The following EYS variants were observed in gnomAD, a reference collection of about 807,000 sequenced individuals.
The protein encoded by EYS is protein eyes shut homolog.
EYS carries 250 observed loss-of-function variants against 282.1 expected under a neutral mutation model. That is an observed-to-expected ratio of 0.89 (90% confidence interval 0.80 to 0.98). The LOEUF is 0.98. Ranked by LOEUF, EYS falls within the 50% of genes least tolerant of loss-of-function variation. EYS has a pLI of 0.00. For synonymous variants in EYS, 1,355 were observed against 1,282.9 expected, an observed-to-expected ratio of 1.06 and a Z score of -1.20; for missense variants, 4,016 against 3,709.0, an observed-to-expected ratio of 1.08 and a Z score of -2.15.
At chr6:63,967,871 T>C (rs1195400342) in intron 35 of EYS, among the ~76,000 whole-genome samples, 1 of 152,120 alleles carries the variant, frequency 6.6e-6, no homozygotes, top group East Asian at 1.9e-4. Context: ...CCCTGGGGAG[T>C]AATCCTAGCT....
intron 29 of EYS, among the ~76,000 whole-genome samples, chr6:64,379,987 T>G (rs995728022): frequency 2.6e-5 from 4 of 152,148 alleles, no homozygotes; most frequent in Admixed American, 2.6e-4. Context: ...TGACTAAAAA[T>G]CAGGTGTCCT....
At chr6:65,032,558 C>A (rs77978370) in intron 13 of EYS, among the ~76,000 whole-genome samples, 1 of 152,126 alleles carries the variant, frequency 6.6e-6, no homozygotes, top group South Asian at 2.1e-4. Context: ...CATGCCTATT[C>A]CTCTTTCAAA....
chr6:65,037,135 T>C (rs1186597360), intron 13 of EYS, among the ~76,000 whole-genome samples: 2 of 151,782 alleles, frequency 1.3e-5, no homozygotes, highest in Admixed American at 6.6e-5. Flanking sequence ...TGACATAAAA[T>C]TGAATGAGAT....
At chr6:65,419,111 C>T (rs1767355579) in intron 5 of EYS, among the ~76,000 whole-genome samples, 1 of 113,318 alleles carries the variant, frequency 8.8e-6, no homozygotes, top group Non-Finnish European at 2.0e-5. Context: ...AAAAATAAGG[C>T]AGTCATTTTT....
intron 8 of EYS, among the ~76,000 whole-genome samples, chr6:65,374,681 C>A (rs1050872280): frequency 6.6e-6 from 1 of 152,088 alleles, no homozygotes; most frequent in Non-Finnish European, 1.5e-5. Flanking sequence ...TCACAGCAGT[C>A]TGAAGTCGAC....
intron 35 of EYS, among the ~76,000 whole-genome samples, chr6:63,868,558 A>G (rs577664146): frequency 2.6e-5 from 4 of 152,276 alleles, no homozygotes; most frequent in South Asian, 4.1e-4. Context: ...GAAAGAGTGC[A>G]GAAATGAATC....
intron 12 of EYS, among the ~76,000 whole-genome samples, chr6:65,265,184 T>C (rs920030176): frequency 6.6e-6 from 1 of 152,028 alleles, no homozygotes; most frequent in African/African-American, 2.4e-5. Flanking sequence ...GTACCCAAAC[T>C]TCAGTATCAT....
At chr6:65,114,630 A>G in intron 12 of EYS, among the ~76,000 whole-genome samples, 1 of 151,838 alleles carries the variant, frequency 6.6e-6, no homozygotes, top group East Asian at 1.9e-4. Context: ...AGAAGATAAT[A>G]CTGTCTTTCT....
At chr6:64,895,278 T>C (rs549014495) in intron 18 of EYS, among the ~76,000 whole-genome samples, 1 of 152,332 alleles carries the variant, frequency 6.6e-6, no homozygotes, top group Non-Finnish European at 1.5e-5. Flanking sequence ...TCCTGGTACC[T>C]GAGTCCAGCT....
chr6:65,419,385 G>A (rs1213137814), intron 5 of EYS, among the ~76,000 whole-genome samples: 1 of 151,550 alleles, frequency 6.6e-6, no homozygotes, highest in Non-Finnish European at 1.5e-5. Context: ...ATCTAAACAT[G>A]TACAAAAATT....
chr6:64,854,114 G>A (rs1393940826), intron 19 of EYS, among the ~76,000 whole-genome samples: 2 of 152,012 alleles, frequency 1.3e-5, no homozygotes, highest in African/African-American at 4.8e-5. Context: ...GTGCTGGAGA[G>A]GATGTGGAGA....
At chr6:64,786,167 G>A (rs1774009858) in intron 22 of EYS, among the ~76,000 whole-genome samples, 1 of 148,482 alleles carries the variant, frequency 6.7e-6, no homozygotes, top group Non-Finnish European at 1.5e-5. Context: ...CTTTAGACTT[G>A]GTAGTCTTTA....
chr6:64,467,203 G>A (rs1395408553), intron 26 of EYS, among the ~76,000 whole-genome samples: 1 of 152,112 alleles, frequency 6.6e-6, no homozygotes, highest in African/African-American at 2.4e-5. Flanking sequence ...AGTATTCAGA[G>A]AATGTAATTA....
At chr6:64,018,536 A>ATT (rs1562153515) in intron 33 of EYS, among the ~76,000 whole-genome samples, 1 of 152,160 alleles carries the variant, frequency 6.6e-6, no homozygotes, top group East Asian at 1.9e-4. Context: ...TGGTGTCTCA[A>ATT]TTGAAATTTG....
chr6:64,677,403 A>T (rs1192362584), intron 22 of EYS, among the ~76,000 whole-genome samples: 1 of 152,132 alleles, frequency 6.6e-6, no homozygotes, highest in African/African-American at 2.4e-5. Context: ...AGTTTTTCTA[A>T]ACTCCATATT....
intron 26 of EYS, among the ~76,000 whole-genome samples, chr6:64,483,540 C>T (rs1470389820): frequency 2.0e-5 from 3 of 151,606 alleles, no homozygotes; most frequent in Non-Finnish European, 4.4e-5. Context: ...AATTAGAATA[C>T]ACCTCCTTTT....
chr6:64,446,603 T>C (rs1432679134), intron 26 of EYS, among the ~76,000 whole-genome samples: 1 of 152,016 alleles, frequency 6.6e-6, no homozygotes. Flanking sequence ...AAATTCTATA[T>C]CAATTTTTAA....
chr6:65,242,402 GT>G (rs1767078885), intron 12 of EYS, among the ~76,000 whole-genome samples: 1 of 151,934 alleles, frequency 6.6e-6, no homozygotes, highest in Admixed American at 6.6e-5. Context: ...TGACTGTCTT[GT>G]TTTTAGCATA....
intron 26 of EYS, among the ~76,000 whole-genome samples, chr6:64,501,548 A>G (rs1225494470): frequency 6.6e-6 from 1 of 152,144 alleles, no homozygotes; most frequent in Non-Finnish European, 1.5e-5. Flanking sequence ...ACTATTAATC[A>G]GGGATAGTGA....
Sources: allele counts gnomAD v4.1 joint callset (sites outside exome capture counted in the v4.1 genomes callset), GRCh38; gene constraint gnomAD v4.1.1; transcripts MANE v1.5; gene names NCBI Gene and HGNC (gene_info 2026-07-23, HGNC 2026-07-21).